GRID2: variants seen among roughly 807,000 people sequenced by gnomAD.
GRID2 encodes the protein glutamate receptor ionotropic, delta-2.
A neutral mutation model predicts 114.8 loss-of-function variants in GRID2; 33 were observed. The ratio of observed to expected loss-of-function variants is 0.29; its 90% confidence interval spans 0.22 to 0.38. The LOEUF is 0.38. GRID2 is among the 10% of genes least tolerant of loss of function. The pLI, the probability that GRID2 is intolerant of heterozygous loss-of-function variation, is 1.00. For synonymous variants in GRID2, 505 were observed against 449.9 expected, an observed-to-expected ratio of 1.12 and a Z score of -1.55; for missense variants, 1,184 against 1,257.7, an observed-to-expected ratio of 0.94 and a Z score of 0.89.
intron 1 of GRID2, among the ~76,000 whole-genome samples, chr4:92,546,482 G>A (rs1435920060): frequency 6.6e-6 from 1 of 152,018 alleles, no homozygotes; most frequent in East Asian, 1.9e-4. Flanking sequence ...CTTTCACCAC[G>A]TGACCTTATG....
chr4:92,662,342 G>T (rs2149269940), intron 2 of GRID2, among the ~76,000 whole-genome samples: 1 of 151,040 alleles, frequency 6.6e-6, no homozygotes, highest in Non-Finnish European at 1.5e-5. Flanking sequence ...CTCCAAAAAT[G>T]ACCAAAAGGA....
chr4:92,673,570 G>GT (rs897945203), intron 2 of GRID2, among the ~76,000 whole-genome samples: 5 of 152,002 alleles, frequency 3.3e-5, no homozygotes, highest in African/African-American at 9.7e-5. Flanking sequence ...GAAATATTCT[G>GT]TTTTTTTAGG....
At chr4:92,682,027 A>C (rs1185908958) in intron 2 of GRID2, among the ~76,000 whole-genome samples, 1 of 152,142 alleles carries the variant, frequency 6.6e-6, no homozygotes, top group Non-Finnish European at 1.5e-5. Flanking sequence ...AAGGAGAGTA[A>C]ATAATTAATA....
intron 14 of GRID2, among the ~76,000 whole-genome samples, chr4:93,638,554 C>T (rs1166183356): frequency 5.4e-5 from 1 of 18,422 alleles, no homozygotes; most frequent in Admixed American, 4.3e-4. Flanking sequence ...TGAGAATATG[C>T]GGTGTTTGGT....
chr4:92,876,948 G>C (rs567589112), intron 2 of GRID2, among the ~76,000 whole-genome samples: 1 of 152,280 alleles, frequency 6.6e-6, no homozygotes, highest in African/African-American at 2.4e-5. Context: ...ACTTTATTCA[G>C]TGCTATTTTA....
intron 4 of GRID2, among the ~76,000 whole-genome samples, chr4:93,155,728 G>A (rs1737120852): frequency 1.3e-5 from 2 of 151,820 alleles, no homozygotes; most frequent in South Asian, 4.1e-4. Context: ...ATGACTTCAT[G>A]TGGACAGAGC....
chr4:93,685,028 T>C (rs1468219214), intron 14 of GRID2, among the ~76,000 whole-genome samples: 3 of 152,026 alleles, frequency 2.0e-5, no homozygotes, highest in Non-Finnish European at 2.9e-5. Flanking sequence ...TCTTCCATAT[T>C]AGTCCAGGCT....
chr4:93,775,439 A>G (rs1231209393), downstream of GRID2, among the ~76,000 whole-genome samples: 12 of 152,314 alleles, frequency 7.9e-5, no homozygotes, highest in Admixed American at 7.8e-4. Context: ...ACAAATCTCT[A>G]GGATCCTTCC....
chr4:93,476,291 A>G (rs1725317288), intron 11 of GRID2, among the ~76,000 whole-genome samples: 1 of 152,150 alleles, frequency 6.6e-6, no homozygotes, highest in South Asian at 2.1e-4. Flanking sequence ...AAAATACATG[A>G]AATGTTAAAT....
chr4:92,696,473 G>C (rs1734430177), intron 2 of GRID2, among the ~76,000 whole-genome samples: 1 of 151,842 alleles, frequency 6.6e-6, no homozygotes, highest in African/African-American at 2.4e-5. Context: ...CCTTTTATTT[G>C]TTAACTCCCA....
At chr4:93,403,488 A>G (rs1353363030) in intron 9 of GRID2, among the ~76,000 whole-genome samples, 2 of 152,316 alleles carry the variant, frequency 1.3e-5, no homozygotes, top group Middle Eastern at 3.4e-3. Flanking sequence ...CATAAGTGAT[A>G]TTTAGCATAT....
chr4:92,984,631 C>A (rs1044189076), intron 2 of GRID2, among the ~76,000 whole-genome samples: 7 of 152,102 alleles, frequency 4.6e-5, no homozygotes, highest in Admixed American at 2.0e-4. Context: ...GAATCCATGG[C>A]CAAGAGAAGT....
At chr4:92,801,698 G>A (rs901983699) in intron 2 of GRID2, among the ~76,000 whole-genome samples, 3 of 151,796 alleles carry the variant, frequency 2.0e-5, no homozygotes, top group Admixed American at 6.6e-5. Context: ...TAAGCATATG[G>A]TAAATTTAGT....
At chr4:92,418,400 A>G (rs1331725955) in intron 1 of GRID2, among the ~76,000 whole-genome samples, 2 of 152,092 alleles carry the variant, frequency 1.3e-5, no homozygotes, top group African/African-American at 4.8e-5. Flanking sequence ...CCAAGCGTCA[A>G]GACAAGGATG....
chr4:92,925,183 T>A (rs1381556074), intron 2 of GRID2, among the ~76,000 whole-genome samples: 1 of 152,124 alleles, frequency 6.6e-6, no homozygotes, highest in Non-Finnish European at 1.5e-5. Context: ...TTACTTTGGA[T>A]AAAATTCATT....
chr4:92,983,391 T>C (rs1196160287), intron 2 of GRID2, among the ~76,000 whole-genome samples: 1 of 152,022 alleles, frequency 6.6e-6, no homozygotes, highest in African/African-American at 2.4e-5. Flanking sequence ...AAAGGAACCC[T>C]CATGATCTAT....
At chr4:92,919,818 T>A (rs538188656) in intron 2 of GRID2, among the ~76,000 whole-genome samples, 1 of 152,320 alleles carries the variant, frequency 6.6e-6, no homozygotes, top group South Asian at 2.1e-4. Flanking sequence ...CTGAGAAGAA[T>A]GTATATTCTG....
chr4:93,482,702 A>T (rs975251167), intron 11 of GRID2, among the ~76,000 whole-genome samples: 2 of 151,574 alleles, frequency 1.3e-5, no homozygotes, highest in Admixed American at 6.6e-5. Flanking sequence ...AAAGTATAAT[A>T]AATAAATAAA....
At chr4:92,925,825 C>A (rs529979395) in intron 2 of GRID2, among the ~76,000 whole-genome samples, 2 of 152,050 alleles carry the variant, frequency 1.3e-5, no homozygotes, top group East Asian at 3.9e-4. Context: ...ATCATTAAGC[C>A]TTTTTATTTA....
Sources: gnomAD v4.1 joint callset for allele counts (sites outside exome capture counted in the v4.1 genomes callset) on GRCh38, gnomAD v4.1.1 for gene constraint, MANE v1.5 for transcripts, NCBI Gene and HGNC (gene_info 2026-07-23, HGNC 2026-07-21) for gene names.